The following CEP85L variants were observed in gnomAD, a reference collection of about 807,000 sequenced individuals.
The protein encoded by CEP85L is centrosomal protein of 85 kDa-like.
CEP85L carries 60 observed loss-of-function variants against 100.3 expected under a neutral mutation model. The observed-to-expected ratio is 0.60, with a 90% CI of 0.49 to 0.74. The LOEUF (loss-of-function observed/expected upper bound fraction) is 0.74. Ranked by LOEUF, CEP85L falls within the 30% of genes least tolerant of loss-of-function variation. The probability of loss-of-function intolerance (pLI) is 0.00; values close to 1 mark genes in which losing one functional copy is unlikely to be tolerated. For missense variants in CEP85L, 973 were observed against 936.2 expected (o/e 1.04, Z -0.51); for synonymous variants, 319 against 322.7 (o/e 0.99, Z 0.12).
chr6:118,471,016 A>AT (rs1373800043), intron 10 of CEP85L, among the ~76,000 whole-genome samples: 1 of 152,040 alleles, frequency 6.6e-6, no homozygotes, highest in Non-Finnish European at 1.5e-5. Flanking sequence ...ACAAATCTAT[A>AT]TTTTTGTTTT....
At chr6:118,556,376 A>G (rs967396164) in intron 3 of CEP85L, among the ~76,000 whole-genome samples, 3 of 152,202 alleles carry the variant, frequency 2.0e-5, no homozygotes, top group Non-Finnish European at 4.4e-5. Flanking sequence ...CTACAGACCA[A>G]TATTATGAAG....
chr6:118,548,279 C>T (rs1316047034), intron 3 of CEP85L: 1 of 152,064 alleles, frequency 6.6e-6, no homozygotes, highest in Non-Finnish European at 1.5e-5. Context: ...TCTCCTCCAC[C>T]TACTGCAACT....
At chr6:118,527,179 T>C (rs1777025938) in intron 3 of CEP85L, among the ~76,000 whole-genome samples, 1 of 152,046 alleles carries the variant, frequency 6.6e-6, no homozygotes, top group Non-Finnish European at 1.5e-5. Flanking sequence ...TAATTTTGTA[T>C]TTTTAGTAGA....
At chr6:118,636,197 A>G (rs1028972269) in intron 1 of CEP85L, among the ~76,000 whole-genome samples, 4 of 152,232 alleles carry the variant, frequency 2.6e-5, no homozygotes, top group African/African-American at 9.6e-5. Context: ...GATGTGGTAA[A>G]AAATCATTCT....
intron 2 of CEP85L, among the ~76,000 whole-genome samples, chr6:118,577,956 C>G (rs1424951631): frequency 6.6e-6 from 1 of 152,196 alleles, no homozygotes; most frequent in East Asian, 1.9e-4. Flanking sequence ...ACCAAAACCC[C>G]TCATGATTCT....
chr6:118,502,383 T>C, intron 5 of CEP85L: 1 of 522,764 alleles, frequency 1.9e-6, no homozygotes, highest in Non-Finnish European at 3.6e-6. Flanking sequence ...GACAGATAGT[T>C]TGCTGGATGT....
At chr6:118,670,623 T>C (rs901795239) in intron 1 of CEP85L, among the ~76,000 whole-genome samples, 7 of 152,186 alleles carry the variant, frequency 4.6e-5, no homozygotes, top group Admixed American at 4.6e-4. Flanking sequence ...GGCTAGCCAC[T>C]GGTTCAAGAA....
At chr6:118,537,920 T>G in intron 3 of CEP85L, 2 of 984,294 alleles carry the variant, frequency 2.0e-6, no homozygotes, top group Non-Finnish European at 2.4e-6. Flanking sequence ...ACTCTACAAG[T>G]GTTTTCTGGT....
At chr6:118,510,604 T>C (rs540560203) in intron 5 of CEP85L, among the ~76,000 whole-genome samples, 48 of 151,874 alleles carry the variant, frequency 3.2e-4, no homozygotes, top group Middle Eastern at 6.8e-3. Context: ...TGGCTGGGAG[T>C]TGGGGAGTGG....
At chr6:118,626,084 T>C (rs1773772124) in intron 2 of CEP85L, among the ~76,000 whole-genome samples, 1 of 152,052 alleles carries the variant, frequency 6.6e-6, no homozygotes. Context: ...GCAGTTGGGG[T>C]GTCCTGTTTA....
chr6:118,479,601 T>C (rs1773629721), intron 10 of CEP85L, among the ~76,000 whole-genome samples: 1 of 152,130 alleles, frequency 6.6e-6, no homozygotes, highest in Non-Finnish European at 1.5e-5. Flanking sequence ...TGGTATTCAT[T>C]ATATTGGTTT....
intron 9 of CEP85L, 55 bp from the exon 10 acceptor site, chr6:118,479,976 G>T: frequency 1.1e-6 from 1 of 890,752 alleles, no homozygotes; most frequent in South Asian, 1.7e-5. Context: ...CTTCTTAAAA[G>T]TACCAACATT....
intron 1 of CEP85L, among the ~76,000 whole-genome samples, chr6:118,632,870 G>C (rs1467613561): frequency 6.6e-6 from 1 of 152,156 alleles, no homozygotes; most frequent in Admixed American, 6.5e-5. Flanking sequence ...AAGACGTACT[G>C]CTGTGTTATT....
intron 3 of CEP85L, among the ~76,000 whole-genome samples, chr6:118,545,864 A>C (rs1444726877): frequency 6.6e-6 from 1 of 152,232 alleles, no homozygotes; most frequent in South Asian, 2.1e-4. Context: ...TGTACACTTC[A>C]TGTCATTAAA....
intron 1 of CEP85L, among the ~76,000 whole-genome samples, chr6:118,694,986 A>G (rs183474772): frequency 5.2e-4 from 79 of 152,294 alleles, no homozygotes; most frequent in African/African-American, 1.9e-3. Context: ...GCAATCTTTC[A>G]TTAAATTTTT....
chr6:118,486,947 C>T lies in CEP85L; in HGVS notation c.1438-3089G>A, dbSNP rs1774227226. 2.0e-5 allele frequency among the ~76,000 whole-genome samples: 3 copies of T among 152,128 alleles called. No individual in the cohort carries two copies. The South Asian group carries it at 6.3e-4, about 32-fold the overall frequency. On this transcript the variant is annotated intron_variant, in intron 6 of 12. Coordinates refer to ENST00000368491, the MANE Select transcript of CEP85L (RefSeq NM_001042475.3). ...AGAATTCATTCAACATGCCAGGCACCATGAATGGTGCTACATACGCCACAG... is the reference window on the plus strand; with the variant it reads ...AGAATTCATTCAACATGCCAGGCACTATGAATGGTGCTACATACGCCACAG...
At chr6:118,494,790 G>A (rs73766520) in intron 5 of CEP85L, among the ~76,000 whole-genome samples, 5,080 of 152,014 alleles carry the variant, frequency 0.033, 285 homozygotes, top group African/African-American at 0.12. Flanking sequence ...TACAAGACAC[G>A]CAAAAAGGCA....
intron 1 of CEP85L, among the ~76,000 whole-genome samples, chr6:118,658,633 A>G (rs1457847988): frequency 5.9e-5 from 9 of 152,190 alleles, no homozygotes; most frequent in Non-Finnish European, 1.3e-4. Context: ...TTAAAAGACC[A>G]CTTTAAAATG....
At chr6:118,689,753 A>G (rs897534607) in intron 1 of CEP85L, among the ~76,000 whole-genome samples, 1 of 152,198 alleles carries the variant, frequency 6.6e-6, no homozygotes, top group African/African-American at 2.4e-5. Flanking sequence ...TCATTCAAGC[A>G]TTTAGTAATA....
Sources: allele counts gnomAD v4.1 joint callset (sites outside exome capture counted in the v4.1 genomes callset), GRCh38; gene constraint gnomAD v4.1.1; transcripts MANE v1.5; gene names NCBI Gene and HGNC (gene_info 2026-07-23, HGNC 2026-07-21).